GRN: variants seen among roughly 807,000 people sequenced by gnomAD.
GRN encodes progranulin.
In GRN, 30 loss-of-function variants were observed where a neutral mutation model predicts 66.7. The observed-to-expected ratio is 0.45, with a 90% CI of 0.34 to 0.61. The LOEUF (loss-of-function observed/expected upper bound fraction) is 0.61, where lower values mean the gene tolerates loss of function less well. Ranked by LOEUF, GRN falls within the 20% of genes least tolerant of loss-of-function variation. The pLI is 0.01. For synonymous variants in GRN, 327 were observed against 311.1 expected (o/e 1.05, Z -0.54); for missense variants, 731 against 803.5 (o/e 0.91, Z 1.09).
At chr17:44,350,020 G>A in intron 4 of GRN, 2 of 661,696 alleles carry the variant, frequency 3.0e-6, no homozygotes, top group Non-Finnish European at 5.5e-6. Flanking sequence ...TGGTCAGTGG[G>A]TGCCCCTTCC....
At chr17:44,350,389 G>A (rs772561840) in intron 5 of GRN, 49 bp downstream of exon 5, 26 of 1,611,400 alleles carry the variant, frequency 1.6e-5, no homozygotes, top group Admixed American at 5.0e-5. Flanking sequence ...TGGGGGCAGA[G>A]TTGGGGGCCA....
Position 44,350,281 on chromosome 17 carries a change from G to C in GRN, c.403G>C (p.Asp135His). 3 of 1,613,892 alleles carry C rather than the reference G, an allele frequency of 1.9e-6. No individual in the cohort carries two copies. Among genetic ancestry groups the C allele is most frequent in the Non-Finnish European group, 2.5e-6 (3 of 1,179,926 alleles). ...CCCTGATAGTCAGTTCGAATGCCCG[G>C]ACTTCTCCACGTGCTGTGTTATGGT... The part of the protein sequence containing the change: ...QCPDSQFECP[D>H]FSTCCVMVDG... The change falls in exon 5 of 13, where the codon GAC becomes CAC. Residue 135 changes from aspartate to histidine, a missense_variant. Asp to His is a moderately conservative substitution (Grantham distance 81, BLOSUM62 -1). Transcript: ENST00000053867.
chr17:44,353,086 A>G lies in GRN; in HGVS notation c.*288A>G, dbSNP rs2048395284. 5.4e-6 allele frequency: 3 copies of G among 553,354 alleles called. No homozygotes were observed. Among genetic ancestry groups the G allele is most frequent in the South Asian group, 4.2e-5 (2 of 47,760 alleles). 34.3% of individuals were successfully genotyped at this position (553,354 alleles called of 1,614,324 possible). A position where few individuals can be genotyped will look rare whatever the true frequency, so the allele number is the denominator to read the frequency against. On this transcript the variant is annotated 3_prime_UTR_variant, in exon 13 of 13. Transcript: ENST00000053867. ...TGTGTGTGCGCGTGTGCGTTTCAAT[A>G]AAGTTTGTACACTTTCTTAACAGTG...
Position 44,349,682 on chromosome 17 carries a change from G to A in GRN, c.280G>A (p.Asp94Asn), listed in dbSNP as rs375678079. The A allele has an allele frequency of 9.9e-6, 16 of 1,612,500 alleles. No homozygotes were observed. Among genetic ancestry groups the A allele is most frequent in the Non-Finnish European group, 1.3e-5 (15 of 1,178,696 alleles). The change falls in exon 4 of 13, where the codon GAT (aspartate) becomes AAT (asparagine). Residue 94 changes from aspartate to asparagine, a missense_variant. By Grantham distance (23) the Asp-to-Asn change is conservative (BLOSUM62 1). Transcript: ENST00000053867. ...CPFPEAVACG[D>N]GHHCCPRGFH... is the part of the protein sequence containing the mutation. ...TGTTCCACAGGCCGTGGCATGCGGG[G>A]ATGGCCATCACTGCTGCCCACGGGG...
At position 44,352,527 on chromosome 17, in the gene GRN, T is replaced by A. The variant is rs750941026; in HGVS notation, c.1600T>A (p.Cys534Ser). The change falls in exon 12 of 13, where the codon TGC becomes AGC. Residue 534 changes from cysteine to serine, a missense_variant. By Grantham distance (112) the Cys-to-Ser change is moderately radical (BLOSUM62 -1). Around this residue, in one of 3 missense-constraint regions of GRN, gnomAD observed 319 missense variants for 347.2 expected, o/e 0.92. Transcript: ENST00000053867. ...CTTCTGCCATGATAACCAGACCTGC[T>A]GCCGAGACAACCGACAGGGCTGGGC... ...GHFCHDNQTC[C>S]RDNRQGWACC... is the part of the protein sequence containing the mutation. 7 of 1,613,842 alleles carry A rather than the reference T, an allele frequency of 4.3e-6. No individual in the cohort carries two copies. Among genetic ancestry groups the A allele is most frequent in the Non-Finnish European group, 5.9e-6 (7 of 1,180,014 alleles).
At position 44,345,326 on chromosome 17, in the gene GRN, C is replaced by G. The variant is rs1333381129; in HGVS notation, c.-16C>G. 3 of 152,322 alleles carry G rather than the reference C, an allele frequency of 2.0e-5. No homozygotes were observed. The highest frequency in any genetic ancestry group is 7.2e-5 in the African/African-American group (3 of 41,450). The allele number at this position is 152,322 out of a possible 1,614,324, so 9.4% of individuals were successfully genotyped here. A position where few individuals can be genotyped will look rare whatever the true frequency, so the allele number is the denominator to read the frequency against. ...TGCTGCTGCCCAAGGACCGCGGAGT[C>G]GGACGCAGGTAGGAGAGCGGCCGCG... On this transcript the variant is annotated 5_prime_UTR_variant, in exon 1 of 13. Transcript: ENST00000053867.
rs60100877 is a variant in GRN, at chr17:44,349,558, G to A, written c.264+7G>A. On this transcript the variant is annotated splice_region_variant and intron_variant, in intron 3 of 12. Coordinates refer to ENST00000053867, the MANE Select transcript of GRN (RefSeq NM_002087.4). ...TTGCTGCCCCTTCCCAGAGGTGAGC[G>A]TGCCATCAGCCCAGTGGAGGGGCTT... The A allele has an allele frequency of 6.1e-3, 9,877 of 1,614,116 alleles. 35 individuals carry two copies. Among genetic ancestry groups the A allele is most frequent in the Middle Eastern group, 8.9e-3 (54 of 6,062 alleles).
Position 44,349,563 on chromosome 17 carries a change from A to G in GRN, c.264+12A>G. 1 of 1,614,122 alleles carries G rather than the reference A, an allele frequency of 6.2e-7. No individual in the cohort carries two copies. Among genetic ancestry groups the G allele is most frequent in the Non-Finnish European group, 8.5e-7 (1 of 1,180,008 alleles). ...GCCCCTTCCCAGAGGTGAGCGTGCC[A>G]TCAGCCCAGTGGAGGGGCTTAGGTC... On this transcript the variant is annotated intron_variant, in intron 3 of 12. Coordinates refer to ENST00000053867, the MANE Select transcript of GRN (RefSeq NM_002087.4).
chr17:44,350,952 G>T, intron 7 of GRN, 85 bp from the exon 8 acceptor site: 1 of 1,502,068 alleles, frequency 6.7e-7, no homozygotes, highest in Non-Finnish European at 9.2e-7. Context: ...GTGGGGGATT[G>T]GGGCAGTGCC....
Position 44,349,407 on chromosome 17 carries a change from AT to A in GRN, c.139-15del. On this transcript the variant is annotated intron_variant, in intron 2 of 12. Transcript: ENST00000053867. The stretch of plus-strand genomic sequence containing the variant: ...GCCAGGCACAAGTCTGTGGTTTATC[AT>A]TTTCCCTGTCTTTCTAGGACAAATG... The A allele has an allele frequency of 6.2e-7, 1 of 1,614,122 alleles. No individual in the cohort carries two copies. The highest frequency in any genetic ancestry group is 8.5e-7 in the Non-Finnish European group (1 of 1,180,038).
intron 4 of GRN, 37 bp downstream of exon 4, chr17:44,349,788 G>A (rs2048355024): frequency 5.0e-6 from 7 of 1,393,152 alleles, no homozygotes; most frequent in Non-Finnish European, 7.1e-6. Context: ...AGGCAGACGG[G>A]CAGCATGTGG....
intron 6 of GRN, 29 bp from the exon 7 acceptor site, chr17:44,350,662 G>C: frequency 6.2e-7 from 1 of 1,611,272 alleles, no homozygotes; most frequent in Non-Finnish European, 8.5e-7. Flanking sequence ...CTCCATCCTG[G>C]CTGCCCCTCA....
At chr17:44,350,957 A>G in intron 7 of GRN, 80 bp from the exon 8 acceptor site, 1 of 1,516,144 alleles carries the variant, frequency 6.6e-7, no homozygotes, top group East Asian at 2.2e-5. Flanking sequence ...GGATTGGGGC[A>G]GTGCCAGCCA....
Position 44,352,424 on chromosome 17 carries a change from G to A in GRN, c.1497G>A (p.Val499=), listed in dbSNP as rs375682522. The A allele has an allele frequency of 6.2e-7, 1 of 1,614,076 alleles. No homozygotes were observed. The highest frequency in any genetic ancestry group is 1.1e-5 in the South Asian group (1 of 91,088). The change falls in exon 12 of 13, where the codon GTG becomes GTA. Residue 499 remains valine (V), a synonymous_variant. Coordinates refer to ENST00000053867, the MANE Select transcript of GRN (RefSeq NM_002087.4). ...NVKARSCEKE[V]VSAQPATFLA... ...AGGCTCGATCCTGCGAGAAGGAAGT[G>A]GTCTCTGCCCAGCCTGCCACCTTCC... is the stretch of plus-strand genomic sequence containing the variant.
rs916356873 is a variant in GRN at position 44,348,370 on chromosome 17, T to C, written c.-7-788T>C. The stretch of plus-strand genomic sequence containing the variant: ...TGGGCACACGTGGTCTCTCTCCACA[T>C]GTGGCTGAGTTTCACTTCCAGAATA... On this transcript the variant is annotated intron_variant, in intron 1 of 12. Coordinates refer to ENST00000053867, the MANE Select transcript of GRN (RefSeq NM_002087.4). 3.3e-5 allele frequency among the ~76,000 whole-genome samples: 5 copies of C among 152,172 alleles called. 1 individual carries two copies. Among genetic ancestry groups the C allele is most frequent in the African/African-American group, 1.2e-4 (5 of 41,424 alleles).
chr17:44,351,162 A>T lies in GRN; in HGVS notation c.834A>T (p.Thr278=), dbSNP rs995227941. Reference sequence around the variant, plus strand: ...TCCTCACTAAGCTGCCTGCGCACACAGGTACCAGAGGCAGGGTGCAGATAC... The same window carrying T: ...TCCTCACTAAGCTGCCTGCGCACACTGGTACCAGAGGCAGGGTGCAGATAC... ...TDLLTKLPAH[T]VGDVKCDMEV... Residue 278 remains threonine (T), a splice_region_variant and synonymous_variant, in exon 8 of 13, where the codon ACA becomes ACT. Coordinates refer to ENST00000053867, the MANE Select transcript of GRN (RefSeq NM_002087.4). 6.2e-7 allele frequency: 1 copy of T among 1,614,138 alleles called. No homozygotes were observed. Among genetic ancestry groups the T allele is most frequent in the Non-Finnish European group, 8.5e-7 (1 of 1,179,988 alleles).
chr17:44,349,789 C>T, intron 4 of GRN, 38 bp downstream of exon 4: 2 of 1,391,354 alleles, frequency 1.4e-6, no homozygotes, highest in South Asian at 2.3e-5. Context: ...GGCAGACGGG[C>T]AGCATGTGGA....
At position 44,351,408 on chromosome 17, in the gene GRN, A is replaced by G. The variant is rs752345618; in HGVS notation, c.881A>G (p.Tyr294Cys). 11 of 1,613,496 alleles carry G rather than the reference A, an allele frequency of 6.8e-6. No individual in the cohort carries two copies. The African/African-American group carries it at 9.4e-5, about 14-fold the overall frequency. Reference sequence around the variant, plus strand: ...ATGGAGGTGAGCTGCCCAGATGGCTATACCTGCTGCCGTCTACAGTCGGGG... The same window carrying G: ...ATGGAGGTGAGCTGCCCAGATGGCTGTACCTGCTGCCGTCTACAGTCGGGG... The part of the protein sequence containing the change: ...CDMEVSCPDG[Y>C]TCCRLQSGAW... Residue 294 changes from tyrosine (Y) to cysteine (C), a missense_variant, in exon 9 of 13, where the codon TAT becomes TGT. Tyr to Cys is a radical substitution (Grantham distance 194, BLOSUM62 -2). This residue lies in a region of GRN where 42 missense variants were observed against 76.6 expected (regional missense o/e 0.55). Coordinates refer to ENST00000053867, the MANE Select transcript of GRN (RefSeq NM_002087.4).
At position 44,352,191 on chromosome 17, in the gene GRN, GGGGCAGACCTGCTGCCCGAGCCT is replaced by G; in HGVS notation, c.1360_1382del (p.Gln454TrpfsTer50). 1 of 1,613,352 alleles carries G rather than the reference GGGGCAGACCTGCTGCCCGAGCCT, an allele frequency of 6.2e-7. No individual in the cohort carries two copies. The highest frequency in any genetic ancestry group is 8.5e-7 in the Non-Finnish European group (1 of 1,179,872). On this transcript the variant is annotated frameshift_variant, in exon 11 of 13. Transcript: ENST00000053867. LOFTEE classifies it high-confidence loss of function. ...GTGACCAGCACACCAGCTGCCCGGT[GGGGCAGACCTGCTGCCCGAGCCT>G]GGGTGGGAGCTGGGCCTGCTGCCAG...
Sources: gnomAD v4.1 joint callset for allele counts (sites outside exome capture counted in the v4.1 genomes callset) on GRCh38, gnomAD v4.1.1 for gene constraint, gnomAD v4.1.1 regional missense constraint, MANE v1.5 for transcripts, NCBI Gene and HGNC (gene_info 2026-07-23, HGNC 2026-07-21) for gene names.